GALNT17: variants seen among roughly 807,000 people sequenced by gnomAD.
GALNT17 encodes the protein polypeptide N-acetylgalactosaminyltransferase 17, also known as UDP-GalNAc:polypeptide N-acetylgalactosaminyltransferase-like 3.
GALNT17 carries 29 observed loss-of-function variants against 63.7 expected under a neutral mutation model. The ratio of observed to expected loss-of-function variants is 0.46; its 90% CI spans 0.34 to 0.62. The LOEUF (loss-of-function observed/expected upper bound fraction) is 0.62, where lower values mean the gene tolerates loss of function less well. GALNT17 is among the 20% of genes least tolerant of loss of function. The probability of loss-of-function intolerance (pLI) is 0.01; values close to 1 mark genes in which losing one functional copy is unlikely to be tolerated. For missense variants in GALNT17, 603 were observed against 799.6 expected (o/e 0.75, Z 2.97); for synonymous variants, 305 against 318.3 (o/e 0.96, Z 0.45).
intron 5 of GALNT17, among the ~76,000 whole-genome samples, chr7:71,444,338 T>G (rs887216974): frequency 6.6e-6 from 1 of 152,156 alleles, no homozygotes; most frequent in Non-Finnish European, 1.5e-5. Flanking sequence ...CCACTTCCCC[T>G]TTCCTTCCTA....
In GALNT17 at chr7:71,472,994, C is replaced by A. The variant is rs1787660246; in HGVS notation, c.962+51889C>A. Among the ~76,000 whole-genome samples the A allele has an allele frequency of 1.3e-5, 2 of 152,242 alleles. 1 individual carries two copies. Among genetic ancestry groups the A allele is most frequent in the South Asian group, 4.1e-4 (2 of 4,820 alleles). ...GGTTGGCTTTATACAATTTATGAGA[C>A]AAGAATTGTAGGTAAAATCATGAAT... On this transcript the variant is annotated intron_variant, in intron 5 of 10. Transcript: ENST00000333538.
intron 1 of GALNT17, among the ~76,000 whole-genome samples, chr7:71,175,261 T>A (rs1021495770): frequency 6.6e-6 from 1 of 152,208 alleles, no homozygotes; most frequent in East Asian, 1.9e-4. Flanking sequence ...TGTCCATCCA[T>A]CAGTCTATCT....
chr7:71,633,123 AAAG>A (rs1562717244), intron 6 of GALNT17, among the ~76,000 whole-genome samples: 1 of 151,538 alleles, frequency 6.6e-6, no homozygotes, highest in Non-Finnish European at 1.5e-5. Context: ...AAAAAAAAAA[AAAG>A]AAGGTTGATT....
At chr7:71,313,832 G>A (rs557477172) in intron 1 of GALNT17, among the ~76,000 whole-genome samples, 1 of 152,066 alleles carries the variant, frequency 6.6e-6, no homozygotes, top group Non-Finnish European at 1.5e-5. Context: ...CTATTTCGGT[G>A]GTTGCAGAGC....
intron 2 of GALNT17, among the ~76,000 whole-genome samples, chr7:71,346,622 A>G (rs1792100208): frequency 6.6e-6 from 1 of 152,072 alleles, no homozygotes; most frequent in Non-Finnish European, 1.5e-5. Context: ...ACGTCCCCAC[A>G]TCAACTGCCT....
chr7:71,200,667 GT>G (rs1344861679), intron 1 of GALNT17, among the ~76,000 whole-genome samples: 2 of 151,952 alleles, frequency 1.3e-5, no homozygotes, highest in Non-Finnish European at 2.9e-5. Context: ...TGGATATTCA[GT>G]TTTTTTCTGC....
chr7:71,140,468 G>A (rs989894420), intron 1 of GALNT17, among the ~76,000 whole-genome samples: 5 of 152,194 alleles, frequency 3.3e-5, no homozygotes, highest in Non-Finnish European at 5.9e-5. Context: ...AGTGTGGTGG[G>A]CACCCTGCCA....
intron 5 of GALNT17, among the ~76,000 whole-genome samples, chr7:71,535,592 C>T (rs1473172623): frequency 1.3e-5 from 2 of 152,206 alleles, no homozygotes; most frequent in South Asian, 2.1e-4. Flanking sequence ...TTAAGTTCTG[C>T]TTATCAACAC....
chr7:71,703,996 G>C (rs575502190), intron 9 of GALNT17, among the ~76,000 whole-genome samples: 2 of 152,352 alleles, frequency 1.3e-5, no homozygotes, highest in African/African-American at 4.8e-5. Context: ...AGGGATGGAA[G>C]GCAGTGTTGG....
chr7:71,609,508 AAG>A (rs1392026273), intron 6 of GALNT17, among the ~76,000 whole-genome samples: 1 of 152,146 alleles, frequency 6.6e-6, no homozygotes, highest in East Asian at 1.9e-4. Flanking sequence ...GAGAGAGAGA[AAG>A]AGAGAAATAA....
chr7:71,170,411 C>T (rs1374915823), intron 1 of GALNT17, among the ~76,000 whole-genome samples: 5 of 152,118 alleles, frequency 3.3e-5, no homozygotes, highest in African/African-American at 7.2e-5. Context: ...TCTCGGCTCA[C>T]CGCAACCTCT....
At chr7:71,530,032 G>A (rs1159844814) in intron 5 of GALNT17, among the ~76,000 whole-genome samples, 1 of 152,290 alleles carries the variant, frequency 6.6e-6, no homozygotes, top group Admixed American at 6.5e-5. Context: ...TTTATGATTA[G>A]AAAGGTAAAC....
rs1397724361 is a variant in GALNT17, at chr7:71,712,311, T to A, written c.*165T>A. On this transcript the variant is annotated 3_prime_UTR_variant, in exon 11 of 11. Transcript: ENST00000333538. ...ACAGGGACCCCGGATGAAGACTCTG[T>A]CCCCCCTCAGGCATTCAGCTGCCCA... 1 of 800,908 alleles carries A rather than the reference T, an allele frequency of 1.2e-6. No homozygotes were observed. Among genetic ancestry groups the A allele is most frequent in the East Asian group, 3.1e-5 (1 of 32,174 alleles). 49.6% of individuals were successfully genotyped at this position (800,908 alleles called of 1,614,324 possible).
rs1790680486 is a variant in GALNT17 at position 71,646,697 on chromosome 7, C to T, written c.1081-18714C>T. Among the ~76,000 whole-genome samples the T allele has an allele frequency of 1.3e-5, 2 of 151,370 alleles. 1 individual carries two copies. Among genetic ancestry groups the T allele is most frequent in the South Asian group, 4.2e-4 (2 of 4,796 alleles). On this transcript the variant is annotated intron_variant, in intron 6 of 10. Transcript: ENST00000333538. ...TGCTTCTTTATGAGTTGCCTCCTGC[C>T]ACAGACAGTATGTTTGGTGGCTTGG...
At chr7:71,442,710 A>G (rs1374883325) in intron 5 of GALNT17, among the ~76,000 whole-genome samples, 2 of 152,120 alleles carry the variant, frequency 1.3e-5, no homozygotes, top group African/African-American at 4.8e-5. Context: ...CTGGTAGTAC[A>G]TCCTTACAGC....
intron 1 of GALNT17, among the ~76,000 whole-genome samples, chr7:71,289,550 A>G (rs959963714): frequency 1.3e-5 from 2 of 152,058 alleles, no homozygotes; most frequent in African/African-American, 4.8e-5. Context: ...AGCCTGGCCA[A>G]CATGGTGAAA....
chr7:71,354,613 T>C (rs953735045), intron 2 of GALNT17, among the ~76,000 whole-genome samples: 1 of 152,198 alleles, frequency 6.6e-6, no homozygotes, highest in Admixed American at 6.5e-5. Flanking sequence ...CTTAATGTGA[T>C]GTTGGATTCT....
At position 71,527,346 on chromosome 7, in the gene GALNT17, G is replaced by A. The variant is rs1032535435; in HGVS notation, c.963-43939G>A. Among the ~76,000 whole-genome samples the A allele has an allele frequency of 3.9e-5, 6 of 152,304 alleles. No homozygotes were observed. The East Asian group carries it at 5.8e-4, about 15-fold the overall frequency. Reference sequence around the variant, plus strand: ...GACAAAGTCATTGCATAACACCGCCGTTTAAATGTGAAGAACTGCAATTTT... The same window carrying A: ...GACAAAGTCATTGCATAACACCGCCATTTAAATGTGAAGAACTGCAATTTT... On this transcript the variant is annotated intron_variant, in intron 5 of 10. Transcript: ENST00000333538.
chr7:71,401,097 CT>C (rs544794124), intron 3 of GALNT17, among the ~76,000 whole-genome samples: 8,173 of 139,918 alleles, frequency 0.058, 253 homozygotes, highest in South Asian at 0.071. Context: ...TTTTCTTTTT[CT>C]TTTTTTTTTT....
Sources: allele counts gnomAD v4.1 joint callset (sites outside exome capture counted in the v4.1 genomes callset), GRCh38; gene constraint gnomAD v4.1.1; transcripts MANE v1.5; gene names NCBI Gene and HGNC (gene_info 2026-07-23, HGNC 2026-07-21).